Variants in C2orf74 observed in about 807,000 individuals in gnomAD.
C2orf74 encodes DPM1 ER membrane anchor 1, also known as uncharacterized protein C2orf74.
C2orf74 carries 14 observed loss-of-function variants against 17.9 expected under a neutral mutation model. The observed-to-expected ratio is 0.78, with a 90% CI of 0.52 to 1.22. The LOEUF is 1.22. Among genes scored for constraint, C2orf74 ranks in the 50% most tolerant of loss-of-function variants. C2orf74 has a pLI of 0.00. For synonymous variants in C2orf74, 79 were observed against 72.6 expected (o/e 1.09, Z -0.44); for missense variants, 217 against 218.4 (o/e 0.99, Z 0.04).
intron 1 of C2orf74, among the ~76,000 whole-genome samples, chr2:61,145,727 T>G (rs1685050901): frequency 1.3e-5 from 2 of 152,146 alleles, no homozygotes; most frequent in East Asian, 1.9e-4. Context: ...CCGGCCTGTT[T>G]TGTATTTTAT....
At chr2:61,153,224 A>T (rs1685291598) in intron 1 of C2orf74, among the ~76,000 whole-genome samples, 1 of 151,976 alleles carries the variant, frequency 6.6e-6, no homozygotes, top group African/African-American at 2.4e-5. Flanking sequence ...GACAGAGAGG[A>T]GGAAGACAAT....
chr2:61,159,157 C>T (rs182251738), upstream of C2orf74, among the ~76,000 whole-genome samples: 53 of 151,620 alleles, frequency 3.5e-4, no homozygotes, highest in East Asian at 5.3e-3. Context: ...CCACCACACC[C>T]GGCTAATTTT....
chr2:61,145,342 T>A (rs555173650), intron 1 of C2orf74: 5 of 152,402 alleles, frequency 3.3e-5, no homozygotes, highest in Non-Finnish European at 7.4e-5. Flanking sequence ...AGTACTGGGG[T>A]ACCAAGTTCA....
chr2:61,153,467 A>G (rs1012295918), intron 1 of C2orf74, among the ~76,000 whole-genome samples: 2 of 151,634 alleles, frequency 1.3e-5, no homozygotes, highest in East Asian at 2.0e-4. Flanking sequence ...TATTTTTAGT[A>G]GAGACTGGGT....
intron 1 of C2orf74, among the ~76,000 whole-genome samples, chr2:61,156,556 T>C (rs1197328861): frequency 6.6e-6 from 1 of 152,146 alleles, no homozygotes; most frequent in Non-Finnish European, 1.5e-5. Context: ...TGTCCATCAA[T>C]GCTATTAATA....
rs1227323272 is a variant in C2orf74, at chr2:61,162,920, C to T, written c.174C>T (p.Ala58=). ...DANGGVDCAA[A]KVVTSNPEDH... ...ACGGAGGTGTAGACTGTGCAGCTGC[C>T]AAAGTGGTGACAAGCAATCCAGAGG... Residue 58 remains alanine, a synonymous_variant, in exon 3 of 5, where the codon GCC becomes GCT. Transcript: ENST00000432605. The T allele has an allele frequency of 1.3e-6, 2 of 1,552,390 alleles. No homozygotes were observed. The highest frequency in any genetic ancestry group is 2.7e-5 in the African/African-American group (2 of 73,040).
upstream of C2orf74, chr2:61,158,062 G>C (rs967466890): frequency 6.4e-6 from 3 of 465,634 alleles, no homozygotes; most frequent in Non-Finnish European, 1.3e-5. Flanking sequence ...GGCAATATCT[G>C]ACCCCAACAT....
intron 1 of C2orf74, 22 bp from the exon 2 acceptor site, chr2:61,162,394 C>A: frequency 1.3e-6 from 1 of 741,140 alleles, no homozygotes; most frequent in South Asian, 1.9e-5. Context: ...AAGAAAACAG[C>A]TTTTTATTCC....
chr2:61,164,309 ATAAATTGAT>A, intron 4 of C2orf74, 36 bp from the exon 5 acceptor site: 2 of 1,441,074 alleles, frequency 1.4e-6, no homozygotes. Context: ...AGGGCTTGTC[ATAAATTGAT>A]TATTTGTTTA....
upstream of C2orf74, among the ~76,000 whole-genome samples, chr2:61,157,703 T>C (rs978664009): frequency 1.3e-5 from 2 of 152,218 alleles, no homozygotes; most frequent in Non-Finnish European, 2.9e-5. Context: ...ATTAAGCTGA[T>C]TTAGATCACA....
chr2:61,164,605 G>T lies in C2orf74; in HGVS notation c.*78G>T. The stretch of plus-strand genomic sequence containing the variant: ...AAGACTGAGGGTACAAAATCATGTT[G>T]AAACAACAAAACAATGGGGAATTAA... On this transcript the variant is annotated 3_prime_UTR_variant, in exon 5 of 5. Coordinates refer to ENST00000432605, the MANE Select transcript of C2orf74 (RefSeq NM_001143959.4). 1 of 1,167,648 alleles carries T rather than the reference G, an allele frequency of 8.6e-7. No individual in the cohort carries two copies. 72.3% of individuals were successfully genotyped at this position (1,167,648 alleles called of 1,614,324 possible). A position where few individuals can be genotyped will look rare whatever the true frequency, so the allele number is the denominator to read the frequency against.
chr2:61,162,637 C>G (rs1207223169), intron 2 of C2orf74, 28 bp downstream of exon 2: 12 of 1,385,656 alleles, frequency 8.7e-6, no homozygotes, highest in Non-Finnish European at 1.2e-5. Flanking sequence ...TAATTGGGAT[C>G]AGATTTCAAG....
At chr2:61,151,113 CAAG>C (rs1685214546) in intron 1 of C2orf74, among the ~76,000 whole-genome samples, 1 of 151,786 alleles carries the variant, frequency 6.6e-6, no homozygotes, top group African/African-American at 2.4e-5. Context: ...GTCAGGAGTT[CAAG>C]ACCAGCCTGG....
chr2:61,154,041 C>G (rs1356291038), intron 1 of C2orf74, among the ~76,000 whole-genome samples: 1 of 152,004 alleles, frequency 6.6e-6, no homozygotes, highest in Admixed American at 6.6e-5. Flanking sequence ...GAGTTCAAGA[C>G]CATCCTGGCT....
At chr2:61,158,980 GTTGTTTGTTTGT>G (rs147042505), upstream of C2orf74, among the ~76,000 whole-genome samples, 423 of 150,242 alleles carry the variant, frequency 2.8e-3, 1 homozygote, top group African/African-American at 8.3e-3. Context: ...GTTTTTTTTT[GTTGTTTGTTTGT>G]TTGTTTGTTT....
chr2:61,162,798 G>C (rs771657260), intron 2 of C2orf74, 44 bp from the exon 3 acceptor site: 22 of 1,463,834 alleles, frequency 1.5e-5, no homozygotes, highest in Admixed American at 3.9e-5. Context: ...CTTAAAATCA[G>C]GGCCATTCTT....
intron 2 of C2orf74, 48 bp downstream of exon 2, chr2:61,162,657 C>A (rs974970913): frequency 2.5e-6 from 3 of 1,208,384 alleles, no homozygotes; most frequent in African/African-American, 1.5e-5. Flanking sequence ...GTCACATTAG[C>A]AAATGTGTAT....
chr2:61,152,308 G>C (rs781415065), intron 1 of C2orf74, among the ~76,000 whole-genome samples: 5 of 152,116 alleles, frequency 3.3e-5, no homozygotes, highest in African/African-American at 1.2e-4. Flanking sequence ...TTGGGAGGCC[G>C]AGGCGGGCAG....
chr2:61,149,849 G>A (rs112466253), intron 1 of C2orf74, among the ~76,000 whole-genome samples: 2,168 of 152,180 alleles, frequency 0.014, 61 homozygotes, highest in African/African-American at 0.049. Flanking sequence ...AAAGTGCTGG[G>A]ATTACAAGCA....
Sources: gnomAD v4.1 joint callset for allele counts (sites outside exome capture counted in the v4.1 genomes callset) on GRCh38, gnomAD v4.1.1 for gene constraint, MANE v1.5 for transcripts, NCBI Gene and HGNC (gene_info 2026-07-23, HGNC 2026-07-21) for gene names.